PIAS2: variants seen among roughly 807,000 people sequenced by gnomAD.
The protein encoded by PIAS2 is E3 SUMO-protein ligase PIAS2.
A neutral mutation model predicts 69.7 loss-of-function variants in PIAS2; 19 were observed. That is an observed-to-expected ratio of 0.27 (90% confidence interval 0.19 to 0.40). PIAS2 has a LOEUF of 0.40. PIAS2 is among the 10% of genes least tolerant of loss of function. The probability of loss-of-function intolerance (pLI) is 1.00; values close to 1 mark genes in which losing one functional copy is unlikely to be tolerated. For missense variants in PIAS2, 624 were observed against 757.0 expected (o/e 0.82, Z 2.06); for synonymous variants, 261 against 263.2 (o/e 0.99, Z 0.08).
chr18:46,891,598 C>T (rs2054084861), intron 1 of PIAS2: 1 of 655,728 alleles, frequency 1.5e-6, no homozygotes, highest in South Asian at 6.8e-5. Context: ...AAACAAACAA[C>T]ATAATAAAGA....
rs77026283 is a variant in PIAS2 at position 46,903,216 on chromosome 18, C to A, written c.25-12162G>T. ...GAAATATGACACACTGGACTTCACA[C>A]AAACTAAAACCTGTGCTACGCAAAA... On this transcript the variant is annotated intron_variant, in intron 1 of 13. Coordinates refer to ENST00000585916, the MANE Select transcript of PIAS2 (RefSeq NM_004671.5). Among the ~76,000 whole-genome samples the A allele has an allele frequency of 2.2e-3, 334 of 151,884 alleles. 2 individuals are homozygous for A. The highest frequency in any genetic ancestry group is 7.5e-3 in the African/African-American group (313 of 41,462).
At chr18:46,869,682 A>C (rs1293754396) in intron 2 of PIAS2, among the ~76,000 whole-genome samples, 2 of 152,170 alleles carry the variant, frequency 1.3e-5, no homozygotes, top group Non-Finnish European at 2.9e-5. Flanking sequence ...GGGACAGTGA[A>C]AGGACTAAAC....
intron 5 of PIAS2, among the ~76,000 whole-genome samples, chr18:46,849,123 T>C (rs183243063): frequency 3.3e-5 from 5 of 152,270 alleles, no homozygotes; most frequent in Non-Finnish European, 5.9e-5. Context: ...AATTAGAATT[T>C]AAGACATAAC....
intron 8 of PIAS2, among the ~76,000 whole-genome samples, chr18:46,838,179 GAA>G (rs1451503068): frequency 6.6e-6 from 1 of 152,090 alleles, no homozygotes; most frequent in Non-Finnish European, 1.5e-5. Context: ...AATTTAAAAA[GAA>G]AATAATTTAG....
intron 3 of PIAS2, among the ~76,000 whole-genome samples, chr18:46,858,525 C>A (rs2048179081): frequency 6.6e-6 from 1 of 152,074 alleles, no homozygotes; most frequent in African/African-American, 2.4e-5. Flanking sequence ...AGCAAGACCC[C>A]ATCTATGCAA....
At chr18:46,890,009 TA>T (rs1284046515) in intron 2 of PIAS2, among the ~76,000 whole-genome samples, 1 of 152,198 alleles carries the variant, frequency 6.6e-6, no homozygotes, top group African/African-American at 2.4e-5. Flanking sequence ...ATTTAGCCTT[TA>T]AAAGGAAAGA....
intron 1 of PIAS2, among the ~76,000 whole-genome samples, chr18:46,915,981 A>G (rs2057812684): frequency 6.6e-6 from 1 of 152,194 alleles, no homozygotes; most frequent in African/African-American, 2.4e-5. Context: ...TAAAAGCTCT[A>G]CAGCTGGGGC....
At chr18:46,857,541 G>C (rs888431697) in intron 3 of PIAS2, among the ~76,000 whole-genome samples, 1 of 152,110 alleles carries the variant, frequency 6.6e-6, no homozygotes, top group African/African-American at 2.4e-5. Context: ...GGTATCTAGT[G>C]CAGTAATTCC....
intron 1 of PIAS2, chr18:46,903,411 C>T (rs1332427826): frequency 6.6e-6 from 1 of 152,042 alleles, no homozygotes; most frequent in African/African-American, 2.4e-5. Flanking sequence ...CACAAAGAGA[C>T]ATGTCATGGA....
At chr18:46,823,947 T>A (rs541578603) in intron 11 of PIAS2, among the ~76,000 whole-genome samples, 1 of 152,286 alleles carries the variant, frequency 6.6e-6, no homozygotes, top group African/African-American at 2.4e-5. Context: ...TAAATGGCTA[T>A]GGATGGTGAA....
chr18:46,868,445 C>T (rs993973884), intron 2 of PIAS2, among the ~76,000 whole-genome samples: 2 of 152,150 alleles, frequency 1.3e-5, no homozygotes, highest in Admixed American at 6.6e-5. Flanking sequence ...CCGCCTTTGC[C>T]GCACCCTGAC....
intron 3 of PIAS2, among the ~76,000 whole-genome samples, chr18:46,859,024 A>G (rs1054702038): frequency 2.0e-5 from 3 of 152,192 alleles, no homozygotes; most frequent in African/African-American, 7.2e-5. Flanking sequence ...TACGGACCTA[A>G]GTGGTTGGTT....
At chr18:46,844,457 C>T (rs1303870838) in intron 7 of PIAS2, among the ~76,000 whole-genome samples, 2 of 152,100 alleles carry the variant, frequency 1.3e-5, no homozygotes, top group East Asian at 3.8e-4. Context: ...ACATTCATCA[C>T]AGTTTTTATT....
At chr18:46,881,580 G>A (rs566129526) in intron 2 of PIAS2, among the ~76,000 whole-genome samples, 4 of 152,034 alleles carry the variant, frequency 2.6e-5, no homozygotes, top group Admixed American at 6.6e-5. Context: ...CAAAGTAGGC[G>A]CATTCATCCT....
At chr18:46,823,259 GTTT>G (rs372284726) in intron 11 of PIAS2, among the ~76,000 whole-genome samples, 1 of 148,484 alleles carries the variant, frequency 6.7e-6, no homozygotes, top group African/African-American at 2.5e-5. Flanking sequence ...AACCTATCGT[GTTT>G]TTTTTTTCTC....
At chr18:46,890,491 T>C (rs2053909724) in intron 2 of PIAS2, 89 bp downstream of exon 2, 2 of 841,878 alleles carry the variant, frequency 2.4e-6, no homozygotes, top group African/African-American at 1.7e-5. Context: ...AATTTCACTA[T>C]ATTAACAGCA....
intron 8 of PIAS2, among the ~76,000 whole-genome samples, chr18:46,838,384 G>A (rs1568444686): frequency 6.6e-6 from 1 of 152,168 alleles, no homozygotes; most frequent in Non-Finnish European, 1.5e-5. Flanking sequence ...GTAACCTAAC[G>A]TTACAAAGTT....
chr18:46,835,465 T>C (rs1017782359), intron 9 of PIAS2, among the ~76,000 whole-genome samples: 1 of 152,214 alleles, frequency 6.6e-6, no homozygotes, highest in Non-Finnish European at 1.5e-5. Flanking sequence ...AAAACTTTTG[T>C]TGTTTATTTT....
At chr18:46,910,290 G>C (rs2057113704) in intron 1 of PIAS2, among the ~76,000 whole-genome samples, 1 of 152,168 alleles carries the variant, frequency 6.6e-6, no homozygotes, top group Admixed American at 6.5e-5. Flanking sequence ...TGGTTGCAGT[G>C]GATGTGATCA....
Sources: allele counts gnomAD v4.1 joint callset (sites outside exome capture counted in the v4.1 genomes callset), GRCh38; gene constraint gnomAD v4.1.1; transcripts MANE v1.5; gene names NCBI Gene and HGNC (gene_info 2026-07-23, HGNC 2026-07-21).